PCDHGB5: variants seen among roughly 807,000 people sequenced by gnomAD.
PCDHGB5 encodes protocadherin gamma-B5.
In PCDHGB5, 48 loss-of-function variants were observed where a neutral mutation model predicts 62.9. That is an observed-to-expected ratio of 0.76 (90% CI 0.61 to 0.97). The LOEUF is 0.97. PCDHGB5 is among the 50% of genes least tolerant of loss of function. The pLI, the probability that PCDHGB5 is intolerant of heterozygous loss-of-function variation, is 0.00. For synonymous variants in PCDHGB5, 474 were observed against 511.2 expected, an observed-to-expected ratio of 0.93 and a Z score of 0.98; for missense variants, 1,118 against 1,198.6, an observed-to-expected ratio of 0.93 and a Z score of 0.99.
rs764579211 is a variant in PCDHGB5 at position 141,489,393 on chromosome 5, T to C, written c.2398-5414T>C. 1.9e-5 allele frequency: 30 copies of C among 1,614,098 alleles called. No individual in the cohort carries two copies. In the South Asian group the frequency reaches 3.3e-4, roughly 18 times the overall value. On this transcript the variant is annotated intron_variant, in intron 1 of 3. Coordinates refer to ENST00000617380, the MANE Select transcript of PCDHGB5 (RefSeq NM_018925.3). The surrounding 1 kb of genome is among the most constrained non-coding windows in gnomAD (Gnocchi z 4.5). ...CGCTGGTGGGGAATGTTGCTCAGGA[T>C]CTGGGCTTAAAGATGACAGATCTGT...
At chr5:141,434,807 A>G (rs2097718601) in intron 1 of PCDHGB5, among the ~76,000 whole-genome samples, 1 of 152,016 alleles carries the variant, frequency 6.6e-6, no homozygotes, top group South Asian at 2.1e-4. Context: ...AGCTTGGAGA[A>G]ATATATCCCT....
intron 1 of PCDHGB5, among the ~76,000 whole-genome samples, chr5:141,445,553 A>T (rs948468877): frequency 1.3e-5 from 2 of 152,252 alleles, no homozygotes; most frequent in Non-Finnish European, 1.5e-5. Context: ...ATACAAAAGC[A>T]CTAAGAGAAA....
chr5:141,432,692 G>A lies in PCDHGB5; in HGVS notation c.2397+32168G>A. The A allele has an allele frequency of 6.2e-7, 1 of 1,613,964 alleles. No homozygotes were observed. Among genetic ancestry groups the A allele is most frequent in the Non-Finnish European group, 8.5e-7 (1 of 1,179,978 alleles). On this transcript the variant is annotated intron_variant, in intron 1 of 3. Transcript: ENST00000617380. The surrounding 1 kb of genome is among the most constrained non-coding windows in gnomAD (Gnocchi z 6.0). ...CGCGCTCAAGCAGAGCCTCGTAGTG[G>A]CCGTCCAGGACCACGGCCAGCCCCC...
intron 1 of PCDHGB5, among the ~76,000 whole-genome samples, chr5:141,443,656 A>G (rs139300845): frequency 1.3e-5 from 2 of 152,374 alleles, no homozygotes; most frequent in East Asian, 3.8e-4. Flanking sequence ...TTAGCATAGC[A>G]TTTTACTGAA....
intron 1 of PCDHGB5, among the ~76,000 whole-genome samples, chr5:141,463,844 G>A (rs545618795): frequency 1.3e-5 from 2 of 152,258 alleles, no homozygotes; most frequent in East Asian, 3.9e-4. Context: ...AGTTGTTATA[G>A]TGGTATATCT....
At chr5:141,406,777 C>G (rs1235306644) in intron 1 of PCDHGB5, among the ~76,000 whole-genome samples, 1 of 152,150 alleles carries the variant, frequency 6.6e-6, no homozygotes, top group Non-Finnish European at 1.5e-5. Flanking sequence ...ATTTCTCTCA[C>G]TTATATATTA....
chr5:141,422,546 G>T, intron 1 of PCDHGB5: 2 of 1,613,972 alleles, frequency 1.2e-6, no homozygotes, highest in South Asian at 2.2e-5. Flanking sequence ...ACTCATGTCT[G>T]GCTGAATGTG....
chr5:141,433,079 A>C, intron 1 of PCDHGB5: 1 of 1,614,208 alleles, frequency 6.2e-7, no homozygotes, highest in South Asian at 1.1e-5. Flanking sequence ...CCCCCAGCCC[A>C]ACTATGCAGA....
intron 1 of PCDHGB5, chr5:141,426,835 C>G (rs1038394702): frequency 6.6e-6 from 3 of 456,576 alleles, no homozygotes; most frequent in Non-Finnish European, 1.3e-5. Flanking sequence ...ATGGACAAGA[C>G]TAAAGGCAAG....
At position 141,490,707 on chromosome 5, in the gene PCDHGB5, C is replaced by T; in HGVS notation, c.2398-4100C>T. ...CAGACACTGGGGATAATGCCCGCCT[C>T]ACCTACTCCATTGTAGGAAATCAGG... On this transcript the variant is annotated intron_variant, in intron 1 of 3. Transcript: ENST00000617380. The surrounding 1 kb of genome is among the most constrained non-coding windows in gnomAD (Gnocchi z 5.4). The T allele has an allele frequency of 3.1e-6, 5 of 1,614,194 alleles. No individual in the cohort carries two copies. Among genetic ancestry groups the T allele is most frequent in the Non-Finnish European group, 3.4e-6 (4 of 1,180,008 alleles).
chr5:141,408,972 C>T, intron 1 of PCDHGB5: 8 of 1,613,870 alleles, frequency 5.0e-6, no homozygotes, highest in Non-Finnish European at 5.9e-6. Flanking sequence ...AATCTGCCCC[C>T]TGGGTCCCCT....
intron 2 of PCDHGB5, among the ~76,000 whole-genome samples, chr5:141,496,103 C>T (rs779317844): frequency 2.0e-5 from 3 of 152,218 alleles, no homozygotes; most frequent in South Asian, 2.1e-4. Flanking sequence ...ACCAACACCC[C>T]GCTCTCTTCC....
At chr5:141,455,558 G>A (rs1261373189) in intron 1 of PCDHGB5, among the ~76,000 whole-genome samples, 1 of 152,142 alleles carries the variant, frequency 6.6e-6, no homozygotes, top group East Asian at 1.9e-4. Flanking sequence ...CCGAGAAAAA[G>A]CTGGCCCTCC....
intron 1 of PCDHGB5, among the ~76,000 whole-genome samples, chr5:141,434,248 G>A (rs1347428778): frequency 2.0e-5 from 3 of 152,188 alleles, no homozygotes; most frequent in Non-Finnish European, 2.9e-5. Flanking sequence ...GATGACTTGG[G>A]CATTGTGGGG....
chr5:141,510,814 CT>C, intron 3 of PCDHGB5, 132 bp from the exon 4 acceptor site: 1 of 1,544,688 alleles, frequency 6.5e-7, no homozygotes, highest in Non-Finnish European at 8.8e-7. Context: ...TTGGTGACCC[CT>C]ATATTCCCAG....
At chr5:141,443,662 C>A (rs1427397469) in intron 1 of PCDHGB5, among the ~76,000 whole-genome samples, 2 of 152,178 alleles carry the variant, frequency 1.3e-5, no homozygotes, top group African/African-American at 4.8e-5. Context: ...TAGCATTTTA[C>A]TGAACTAGTA....
chr5:141,399,497 T>C lies in PCDHGB5; in HGVS notation c.1370T>C (p.Val457Ala). 1 of 1,614,030 alleles carries C rather than the reference T, an allele frequency of 6.2e-7. No homozygotes were observed. Among genetic ancestry groups the C allele is most frequent in the Non-Finnish European group, 8.5e-7 (1 of 1,179,900 alleles). ...CACCAGGCGTCCTACTTAGTCAGTG[T>C]ACCCGAAAACAACCCTCCTGGGGCC... ...VFHQASYLVS[V>A]PENNPPGASI... The change falls in exon 1 of 4, where the codon GTA becomes GCA. Residue 457 changes from valine (V) to alanine (A), a missense_variant. Coordinates refer to ENST00000617380, the MANE Select transcript of PCDHGB5 (RefSeq NM_018925.3).
At chr5:141,419,477 C>G (rs760970548) in intron 1 of PCDHGB5, 1 of 1,612,420 alleles carries the variant, frequency 6.2e-7, no homozygotes, top group Non-Finnish European at 8.5e-7. Flanking sequence ...CCAGGGCTCG[C>G]CCGCGCTCAG....
At chr5:141,411,319 C>T (rs532552346) in intron 1 of PCDHGB5, 1 of 152,262 alleles carries the variant, frequency 6.6e-6, no homozygotes, top group South Asian at 2.1e-4. Flanking sequence ...CCTATAATCA[C>T]AGCACTTTGA....
Sources: allele counts gnomAD v4.1 joint callset (sites outside exome capture counted in the v4.1 genomes callset), GRCh38; gene constraint gnomAD v4.1.1; non-coding constraint Gnocchi (gnomAD v3.1); transcripts MANE v1.5; gene names NCBI Gene and HGNC (gene_info 2026-07-23, HGNC 2026-07-21).